The following GPC5 variants were observed in gnomAD, a reference collection of about 807,000 sequenced individuals.
GPC5 encodes the protein glypican-5.
In GPC5, 47 loss-of-function variants were observed where a neutral mutation model predicts 53.9. That is an observed-to-expected ratio of 0.87 (90% CI 0.69 to 1.11). The LOEUF (loss-of-function observed/expected upper bound fraction) is 1.11. GPC5 is among the 50% of genes most tolerant of loss of function. GPC5 has a pLI of 0.00. For synonymous variants in GPC5, 286 were observed against 263.3 expected (o/e 1.09, Z -0.84); for missense variants, 748 against 713.1 (o/e 1.05, Z -0.56).
chr13:92,683,217 G>C (rs1182139174), intron 7 of GPC5, among the ~76,000 whole-genome samples: 2 of 151,680 alleles, frequency 1.3e-5, no homozygotes, highest in East Asian at 3.9e-4. Context: ...AAATGATTTA[G>C]AAAAAAAAGG....
At chr13:92,557,099 GAA>G (rs376552438) in intron 7 of GPC5, among the ~76,000 whole-genome samples, 1 of 144,370 alleles carries the variant, frequency 6.9e-6, no homozygotes. Flanking sequence ...ATCTCTGAGA[GAA>G]AAAAAAAAGG....
chr13:92,022,513 T>G (rs183090816), intron 6 of GPC5, among the ~76,000 whole-genome samples: 6 of 152,276 alleles, frequency 3.9e-5, no homozygotes, highest in Admixed American at 3.9e-4. Context: ...TGAAATTACA[T>G]TGAGTCAGGT....
rs560163374 is a variant in GPC5 at position 92,657,590 on chromosome 13, T to G, written c.1562-208692T>G. On this transcript the variant is annotated intron_variant, in intron 7 of 7. Transcript: ENST00000377067. ...TAGAAGGTTTTTTGGTTTTTTTTTTTTTTTTTTTTTTTTTGAAATTCCAAA... is the reference window on the plus strand; with the variant it reads ...TAGAAGGTTTTTTGGTTTTTTTTTTGTTTTTTTTTTTTTTGAAATTCCAAA... Among the ~76,000 whole-genome samples the G allele has an allele frequency of 8.4e-3, 1,250 of 148,494 alleles. 19 individuals are homozygous for G. The highest frequency in any genetic ancestry group is 0.029 in the African/African-American group (1,186 of 40,472).
intron 6 of GPC5, among the ~76,000 whole-genome samples, chr13:91,910,654 C>T (rs1233848331): frequency 1.3e-5 from 2 of 152,110 alleles, no homozygotes; most frequent in African/African-American, 4.8e-5. Flanking sequence ...CTTATTTCTA[C>T]CCTGAATTGT....
chr13:92,809,976 A>G (rs917463386), intron 7 of GPC5, among the ~76,000 whole-genome samples: 1 of 152,106 alleles, frequency 6.6e-6, no homozygotes, highest in African/African-American at 2.4e-5. Context: ...CTATATTTAT[A>G]TACAGAAAAA....
chr13:91,599,867 A>C (rs1022862007), intron 2 of GPC5, among the ~76,000 whole-genome samples: 2 of 152,232 alleles, frequency 1.3e-5, no homozygotes, highest in Non-Finnish European at 2.9e-5. Context: ...GGGCTTATCT[A>C]ATTAGTAGAA....
intron 6 of GPC5, among the ~76,000 whole-genome samples, chr13:91,964,340 T>G (rs1192847819): frequency 3.3e-5 from 5 of 152,156 alleles, no homozygotes; most frequent in Non-Finnish European, 7.4e-5. Context: ...ATTCCCTTAT[T>G]TGGTCCCACC....
At chr13:91,505,686 G>T (rs888031069) in intron 2 of GPC5, among the ~76,000 whole-genome samples, 2 of 152,134 alleles carry the variant, frequency 1.3e-5, no homozygotes, top group Non-Finnish European at 2.9e-5. Flanking sequence ...AACTGCTGTT[G>T]TCACTTCTCT....
chr13:92,550,259 G>GA (rs1430268395), intron 7 of GPC5, among the ~76,000 whole-genome samples: 1 of 151,732 alleles, frequency 6.6e-6, no homozygotes, highest in African/African-American at 2.4e-5. Flanking sequence ...TTCTCAGCAA[G>GA]AAGGAAGCAT....
chr13:91,827,290 T>A (rs151293477), intron 5 of GPC5, among the ~76,000 whole-genome samples: 1 of 151,946 alleles, frequency 6.6e-6, no homozygotes, highest in African/African-American at 2.4e-5. Context: ...TCTTGACTTA[T>A]AGCACAATAA....
intron 6 of GPC5, among the ~76,000 whole-genome samples, chr13:91,949,327 A>G (rs769388215): frequency 6.6e-5 from 10 of 152,336 alleles, no homozygotes; most frequent in Non-Finnish European, 1.5e-4. Flanking sequence ...ACTCAATCAA[A>G]CTATGAATAT....
intron 7 of GPC5, among the ~76,000 whole-genome samples, chr13:92,840,652 T>C (rs1333179414): frequency 6.6e-6 from 1 of 152,094 alleles, no homozygotes; most frequent in African/African-American, 2.4e-5. Flanking sequence ...GCCATCAGGA[T>C]TTTGATAGGG....
At chr13:92,851,008 G>A (rs1474310445) in intron 7 of GPC5, among the ~76,000 whole-genome samples, 1 of 152,146 alleles carries the variant, frequency 6.6e-6, no homozygotes, top group Non-Finnish European at 1.5e-5. Flanking sequence ...CTAGCCCTGG[G>A]GAGGCCTCAG....
intron 7 of GPC5, among the ~76,000 whole-genome samples, chr13:92,311,529 G>C (rs1324607507): frequency 6.6e-6 from 1 of 152,172 alleles, no homozygotes; most frequent in Admixed American, 6.5e-5. Flanking sequence ...ATTTATAAAG[G>C]AAAGAAGTTT....
intron 7 of GPC5, among the ~76,000 whole-genome samples, chr13:92,414,651 A>C (rs1876200721): frequency 6.6e-6 from 1 of 152,184 alleles, no homozygotes. Flanking sequence ...TGGGTGTCTG[A>C]GTTTGTTTGG....
intron 7 of GPC5, among the ~76,000 whole-genome samples, chr13:92,277,503 T>A (rs2042884357): frequency 6.6e-6 from 1 of 152,114 alleles, no homozygotes; most frequent in Non-Finnish European, 1.5e-5. Context: ...CACTTATTAT[T>A]TTACCCAAGT....
intron 6 of GPC5, among the ~76,000 whole-genome samples, chr13:91,926,168 T>C (rs2039765490): frequency 6.6e-6 from 1 of 151,918 alleles, no homozygotes; most frequent in African/African-American, 2.4e-5. Flanking sequence ...AAGACCATCT[T>C]AACTAACACG....
At chr13:91,604,274 A>T (rs1480837723) in intron 2 of GPC5, among the ~76,000 whole-genome samples, 1 of 142,076 alleles carries the variant, frequency 7.0e-6, no homozygotes, top group Non-Finnish European at 1.5e-5. Context: ...CCTACAAAGG[A>T]CATGAACTCA....
rs1421069611 is a variant in GPC5, at chr13:91,399,059, A to C, written c.13A>C (p.Thr5Pro). 14 of 1,559,640 alleles carry C rather than the reference A, an allele frequency of 9.0e-6. No homozygotes were observed. Among genetic ancestry groups the C allele is most frequent in the Non-Finnish European group, 1.2e-5 (14 of 1,152,308 alleles). The change falls in exon 1 of 8, where the codon ACC (threonine) becomes CCC (proline). Residue 5 changes from threonine (T) to proline (P), a missense_variant. Thr to Pro is a conservative substitution (Grantham distance 38, BLOSUM62 -1). Coordinates refer to ENST00000377067, the MANE Select transcript of GPC5 (RefSeq NM_004466.6). ...CAGGACGGCGAGGATGGACGCACAG[A>C]CCTGGCCCGTGGGCTTTCGCTGCCT... Reference protein sequence around the residue: MDAQTWPVGFRCLLL... With the variant: MDAQPWPVGFRCLLL...
Sources: gnomAD v4.1 joint callset for allele counts (sites outside exome capture counted in the v4.1 genomes callset) on GRCh38, gnomAD v4.1.1 for gene constraint, MANE v1.5 for transcripts, NCBI Gene and HGNC (gene_info 2026-07-23, HGNC 2026-07-21) for gene names.